The following DOCK10 variants were observed in gnomAD, a reference collection of about 807,000 sequenced individuals.
The protein encoded by DOCK10 is dedicator of cytokinesis 10.
DOCK10 carries 145 observed loss-of-function variants against 280.1 expected under a neutral mutation model. The ratio of observed to expected loss-of-function variants is 0.52; its 90% CI spans 0.45 to 0.59. DOCK10 has a LOEUF of 0.59. DOCK10 is among the 20% of genes least tolerant of loss of function. DOCK10 has a pLI of 0.00. For synonymous variants in DOCK10, 915 were observed against 942.2 expected, an observed-to-expected ratio of 0.97 and a Z score of 0.53; for missense variants, 2,368 against 2,651.7, an observed-to-expected ratio of 0.89 and a Z score of 2.35.
intron 22 of DOCK10, among the ~76,000 whole-genome samples, chr2:224,844,403 T>C (rs1192123662): frequency 6.6e-6 from 1 of 152,208 alleles, no homozygotes; most frequent in Non-Finnish European, 1.5e-5. Flanking sequence ...GTGCTGGGAT[T>C]ACAGGAGTGA....
At chr2:224,865,472 A>G (rs7559750) in intron 11 of DOCK10, among the ~76,000 whole-genome samples, 61,412 of 152,080 alleles carry the variant, frequency 0.4, 15,858 homozygotes, top group African/African-American at 0.74. Context: ...GGCCAACCAC[A>G]TCTCTGTTTT....
rs1282281766 is a variant in DOCK10 at position 224,793,023 on chromosome 2, A to G, written c.5262T>C (p.Asp1754=). Reference sequence around the variant, plus strand: ...ATGAGTTGCTATCACAGGGGTGGGTATCCTCCGAGAGCAGGGATGCTGTGC... The same window carrying G: ...ATGAGTTGCTATCACAGGGGTGGGTGTCCTCCGAGAGCAGGGATGCTGTGC... ...KICTASLLSE[D]THPCDSNSLL... is the part of the protein sequence containing the mutation. Residue 1754 remains aspartate (D), a synonymous_variant, in exon 47 of 56, where the codon GAT becomes GAC. Transcript: ENST00000258390. 5.0e-6 allele frequency: 8 copies of G among 1,613,822 alleles called. No homozygotes were observed. The highest frequency in any genetic ancestry group is 6.8e-6 in the Non-Finnish European group (8 of 1,179,788).
chr2:224,926,540 A>C (rs2125999557), intron 2 of DOCK10, among the ~76,000 whole-genome samples: 1 of 152,342 alleles, frequency 6.6e-6, no homozygotes, highest in African/African-American at 2.4e-5. Flanking sequence ...TCTTTAAAAA[A>C]AAGTGTTAAA....
At chr2:224,775,368 C>T (rs1323049056) in intron 51 of DOCK10, among the ~76,000 whole-genome samples, 2 of 152,238 alleles carry the variant, frequency 1.3e-5, no homozygotes, top group African/African-American at 2.4e-5. Context: ...CCAGATGTGC[C>T]TGGCTGTGGC....
At chr2:224,821,557 T>A (rs1303318896) in intron 28 of DOCK10, among the ~76,000 whole-genome samples, 1 of 152,194 alleles carries the variant, frequency 6.6e-6, no homozygotes, top group South Asian at 2.1e-4. Context: ...ATGATTCATC[T>A]AATAAGTGTT....
intron 1 of DOCK10, among the ~76,000 whole-genome samples, chr2:224,965,730 A>C (rs1017897278): frequency 6.6e-6 from 1 of 152,172 alleles, no homozygotes. Context: ...CTTCCCTAAA[A>C]CTTCCATATA....
intron 32 of DOCK10, 34 bp downstream of exon 32, chr2:224,807,877 G>T: frequency 6.3e-7 from 1 of 1,597,478 alleles, no homozygotes; most frequent in African/African-American, 1.3e-5. Flanking sequence ...CCATTAAATG[G>T]TGTTTAGGGA....
chr2:224,952,626 T>C (rs1703810260), intron 1 of DOCK10, among the ~76,000 whole-genome samples: 1 of 149,912 alleles, frequency 6.7e-6, no homozygotes, highest in African/African-American at 2.5e-5. Context: ...GGAGTCTTGC[T>C]CTGTCGCCCA....
chr2:225,022,917 A>C (rs901716818), intron 1 of DOCK10, among the ~76,000 whole-genome samples: 1 of 152,230 alleles, frequency 6.6e-6, no homozygotes, highest in African/African-American at 2.4e-5. Context: ...GTAAGTAATG[A>C]AGCCCATAAA....
chr2:224,823,741 C>A, intron 27 of DOCK10, 94 bp from the exon 28 acceptor site: 2 of 1,194,112 alleles, frequency 1.7e-6, no homozygotes, highest in Non-Finnish European at 1.1e-6. Flanking sequence ...TTTTATAGGT[C>A]ATTAAAGAAA....
At chr2:224,957,285 G>GGC (rs1553622524) in intron 1 of DOCK10, among the ~76,000 whole-genome samples, 1 of 118,614 alleles carries the variant, frequency 8.4e-6, no homozygotes, top group Non-Finnish European at 1.8e-5. Flanking sequence ...TTTACTTTCC[G>GGC]CCCCCCCCCG....
intron 22 of DOCK10, among the ~76,000 whole-genome samples, chr2:224,843,256 G>A (rs988414708): frequency 6.6e-6 from 1 of 152,184 alleles, no homozygotes; most frequent in African/African-American, 2.4e-5. Context: ...TTTGGCTGGA[G>A]GGCCTTGGGT....
chr2:225,039,258 C>T (rs868806736), intron 1 of DOCK10, among the ~76,000 whole-genome samples: 8 of 152,096 alleles, frequency 5.3e-5, no homozygotes, highest in African/African-American at 7.2e-5. Flanking sequence ...TAATCATTTT[C>T]GGGCTGAAAT....
At chr2:225,015,497 G>A (rs1689564994) in intron 1 of DOCK10, among the ~76,000 whole-genome samples, 1 of 152,146 alleles carries the variant, frequency 6.6e-6, no homozygotes, top group Non-Finnish European at 1.5e-5. Flanking sequence ...GTTTTAGACT[G>A]TAGACTAATC....
chr2:224,969,103 G>A (rs1704937688), intron 1 of DOCK10, among the ~76,000 whole-genome samples: 1 of 152,214 alleles, frequency 6.6e-6, no homozygotes, highest in Non-Finnish European at 1.5e-5. Flanking sequence ...GTCTCAGTTT[G>A]AAATTAGGCT....
Position 224,864,985 on chromosome 2 carries a change from T to A in DOCK10, c.1360A>T (p.Met454Leu). The change falls in exon 12 of 56, where the codon ATG (methionine) becomes TTG (leucine). Residue 454 changes from methionine to leucine, a missense_variant. By Grantham distance (15) the Met-to-Leu change is conservative. Transcript: ENST00000258390. ...AAAGCCACAGAAGCCCCCAAGAGCA[T>A]CTGTCTGACAGCAGCATGGTTTAGA... The part of the protein sequence containing the change: ...VDLNHAAVRQ[M>L]LLGASVALEN... 1 of 1,613,982 alleles carries A rather than the reference T, an allele frequency of 6.2e-7. No individual in the cohort carries two copies. Among genetic ancestry groups the A allele is most frequent in the Non-Finnish European group, 8.5e-7 (1 of 1,179,886 alleles).
intron 17 of DOCK10, among the ~76,000 whole-genome samples, 193 bp from the exon 18 acceptor site, chr2:224,852,635 G>C (rs1380872446): frequency 3.3e-5 from 5 of 152,082 alleles, no homozygotes; most frequent in Non-Finnish European, 7.4e-5. Context: ...GAAGTAAAAA[G>C]CTCATATTGA....
rs1231430500 is a variant in DOCK10 at position 224,845,622 on chromosome 2, T to A, written c.2256A>T (p.Thr752=). Residue 752 remains threonine (T), a synonymous_variant, in exon 20 of 56, where the codon ACA becomes ACT. Coordinates refer to ENST00000258390, the MANE Select transcript of DOCK10 (RefSeq NM_014689.3). ...FSDEVKIELP[T]QLHEKHHILF... Reference sequence around the variant, plus strand: ...AAATATGGTGTTTCTCATGGAGTTGTGTTGGTAGCTCAATTTTCACCTGCA... The same window carrying A: ...AAATATGGTGTTTCTCATGGAGTTGAGTTGGTAGCTCAATTTTCACCTGCA... 1.1e-5 allele frequency: 17 copies of A among 1,611,210 alleles called. No homozygotes were observed. Among genetic ancestry groups the A allele is most frequent in the Non-Finnish European group, 1.4e-5 (17 of 1,179,026 alleles).
chr2:224,876,742 C>A (rs979871850), intron 7 of DOCK10, among the ~76,000 whole-genome samples: 14 of 152,320 alleles, frequency 9.2e-5, no homozygotes, highest in Middle Eastern at 3.4e-3. Flanking sequence ...CACCTTCCTT[C>A]AGTTGCCACG....
Sources: allele counts gnomAD v4.1 joint callset (sites outside exome capture counted in the v4.1 genomes callset), GRCh38; gene constraint gnomAD v4.1.1; transcripts MANE v1.5; gene names NCBI Gene and HGNC (gene_info 2026-07-23, HGNC 2026-07-21).